The following MAD1L1 variants were observed in gnomAD, a reference collection of about 807,000 sequenced individuals.
MAD1L1 encodes the protein mitotic arrest deficient 1 like 1.
A neutral mutation model predicts 96.9 loss-of-function variants in MAD1L1; 95 were observed. That is an observed-to-expected ratio of 0.98 (90% confidence interval 0.83 to 1.16). The LOEUF is 1.16. Among genes scored for constraint, MAD1L1 ranks in the 50% most tolerant of loss-of-function variants. The probability of loss-of-function intolerance (pLI) is 0.00; values close to 1 mark genes in which losing one functional copy is unlikely to be tolerated. For synonymous variants in MAD1L1, 473 were observed against 396.6 expected (o/e 1.19, Z -2.29); for missense variants, 1,007 against 954.4 (o/e 1.06, Z -0.73).
chr7:1,997,988 C>T (rs556451838), intron 14 of MAD1L1, among the ~76,000 whole-genome samples: 75 of 145,480 alleles, frequency 5.2e-4, no homozygotes, highest in African/African-American at 1.8e-3. Context: ...CCACCAAATT[C>T]GAAGTCAAAT....
chr7:2,103,121 G>A lies in MAD1L1; in HGVS notation c.1074-33783C>T, dbSNP rs565442871. 2.0e-4 allele frequency among the ~76,000 whole-genome samples: 31 copies of A among 152,270 alleles called. No individual in the cohort carries two copies. The highest frequency in any genetic ancestry group is 6.2e-4 in the South Asian group (3 of 4,818). On this transcript the variant is annotated intron_variant, in intron 11 of 18. Coordinates refer to ENST00000265854, the MANE Select transcript of MAD1L1 (RefSeq NM_001013836.2). The surrounding 1 kb of genome is among the most constrained non-coding windows in gnomAD (Gnocchi z 4.3). ...TCCTCTCCCACCTCAGGGCCCCTGC[G>A]CTTGCTGCTGCCTCTGCCTGGAACG...
chr7:2,121,557 T>C (rs1262897514), intron 11 of MAD1L1, among the ~76,000 whole-genome samples: 4 of 152,128 alleles, frequency 2.6e-5, no homozygotes, highest in Admixed American at 2.6e-4. Flanking sequence ...GACCTCAGAA[T>C]AACAGGCCTC....
rs1057289126 is a variant in MAD1L1 at position 1,983,733 on chromosome 7, C to A, written c.1417-3192G>T. 2.0e-5 allele frequency among the ~76,000 whole-genome samples: 3 copies of A among 152,236 alleles called. No individual in the cohort carries two copies. In the South Asian group the frequency reaches 6.2e-4, roughly 32 times the overall value. Reference sequence around the variant, plus strand: ...AGATCAGGACACAGAATTCTCAGCACGCCTGAAAGCTCTCGCATGCTCCTG... The same window carrying A: ...AGATCAGGACACAGAATTCTCAGCAAGCCTGAAAGCTCTCGCATGCTCCTG... On this transcript the variant is annotated intron_variant, in intron 14 of 18. Coordinates refer to ENST00000265854, the MANE Select transcript of MAD1L1 (RefSeq NM_001013836.2).
intron 18 of MAD1L1, chr7:1,874,640 G>A: frequency 2.4e-6 from 1 of 424,032 alleles, no homozygotes; most frequent in Non-Finnish European, 4.7e-6. Flanking sequence ...GTGGGCTTAG[G>A]AATTGACCCA....
Position 1,863,878 on chromosome 7 carries a change from G to C in MAD1L1, c.1998+34322C>G, listed in dbSNP as rs150631060. On this transcript the variant is annotated intron_variant, in intron 18 of 18. Transcript: ENST00000265854. ...CCGAGCCAGGTGGATCACAAGGTCAGGAGTTCAAGACCAGCCTGGCCAAGA... is the reference window on the plus strand; with the variant it reads ...CCGAGCCAGGTGGATCACAAGGTCACGAGTTCAAGACCAGCCTGGCCAAGA... Among the ~76,000 whole-genome samples, 1,481 of 152,316 alleles carry C rather than the reference G, an allele frequency of 9.7e-3. 22 individuals carry two copies. The highest frequency in any genetic ancestry group is 0.034 in the African/African-American group (1,420 of 41,568).
rs573548934 is a variant in MAD1L1, at chr7:2,046,398, C to T, written c.1218+22796G>A. On this transcript the variant is annotated intron_variant, in intron 12 of 18. Coordinates refer to ENST00000265854, the MANE Select transcript of MAD1L1 (RefSeq NM_001013836.2). ...CATGTTGTCCTCCTCCTCCCAGGCC[C>T]GGCGCCCGTGCCCACCCAACCCTCC... 1.9e-3 allele frequency among the ~76,000 whole-genome samples: 290 copies of T among 152,284 alleles called. 1 individual carries two copies. The highest frequency in any genetic ancestry group is 6.8e-3 in the African/African-American group (283 of 41,546).
chr7:2,174,436 A>C (rs1220741092), intron 10 of MAD1L1, among the ~76,000 whole-genome samples: 1 of 152,150 alleles, frequency 6.6e-6, no homozygotes, highest in East Asian at 1.9e-4. Context: ...CATCCACTGG[A>C]CTGGGTACTT....
chr7:1,879,404 G>A (rs188997294), intron 18 of MAD1L1, among the ~76,000 whole-genome samples: 214 of 149,424 alleles, frequency 1.4e-3, no homozygotes, highest in African/African-American at 5.0e-3. Flanking sequence ...GCAGTGAGCC[G>A]AGATCACTCC....
At chr7:1,994,055 G>A (rs1424308434) in intron 14 of MAD1L1, among the ~76,000 whole-genome samples, 6 of 152,214 alleles carry the variant, frequency 3.9e-5, no homozygotes, top group African/African-American at 1.4e-4. Context: ...TGCCAACACG[G>A]GCAGGTCACT....
At chr7:1,854,611 C>A (rs766386489) in intron 18 of MAD1L1, among the ~76,000 whole-genome samples, 15 of 152,172 alleles carry the variant, frequency 9.9e-5, no homozygotes, top group Non-Finnish European at 2.2e-4. Flanking sequence ...CTCCCGAAGA[C>A]CCCGCCTCCT....
In MAD1L1 at chr7:1,816,086, C is replaced by T. The variant is rs1484324628; in HGVS notation, c.2141G>A (p.Arg714His). 48 of 1,611,054 alleles carry T rather than the reference C, an allele frequency of 3.0e-5. No homozygotes were observed. The highest frequency in any genetic ancestry group is 3.9e-5 in the Non-Finnish European group (46 of 1,179,010). The part of the protein sequence containing the change: ...LSSLTLELFS[R>H]QTVA ...GCCTGCAGGCTACGCCACGGTCTGG[C>T]GGCTGAAGAGCTCGAGGGTGAGCGA... The change falls in exon 19 of 19, where the codon CGC (arginine) becomes CAC (histidine). Residue 714 changes from arginine to histidine, a missense_variant. Coordinates refer to ENST00000265854, the MANE Select transcript of MAD1L1 (RefSeq NM_001013836.2).
rs151086386 is a variant in MAD1L1 at position 2,063,311 on chromosome 7, C to T, written c.1218+5883G>A. 1.2e-4 allele frequency among the ~76,000 whole-genome samples: 18 copies of T among 152,378 alleles called. No individual in the cohort carries two copies. In the East Asian group the frequency reaches 3.5e-3, roughly 29 times the overall value. On this transcript the variant is annotated intron_variant, in intron 12 of 18. Coordinates refer to ENST00000265854, the MANE Select transcript of MAD1L1 (RefSeq NM_001013836.2). ...GTCCTGGGCCCCTGGGAGTCCCTGG[C>T]TCCGCGTCCTCACTCCAGGCTGTGC...
chr7:1,862,020 C>G (rs1321307916), intron 18 of MAD1L1, among the ~76,000 whole-genome samples: 2 of 152,160 alleles, frequency 1.3e-5, no homozygotes, highest in Non-Finnish European at 2.9e-5. Context: ...CGCAGAGTGA[C>G]TAGAGAAGTG....
intron 12 of MAD1L1, among the ~76,000 whole-genome samples, chr7:2,043,450 A>T (rs1340477616): frequency 6.6e-6 from 1 of 152,322 alleles, no homozygotes; most frequent in East Asian, 1.9e-4. Flanking sequence ...TCCATGCTGC[A>T]ATCTGTTCTG....
At chr7:1,965,764 G>C (rs1241628168) in intron 15 of MAD1L1, among the ~76,000 whole-genome samples, 1 of 152,276 alleles carries the variant, frequency 6.6e-6, no homozygotes, top group African/African-American at 2.4e-5. Flanking sequence ...ACAAACTCTA[G>C]CTGCGTTTTC....
chr7:2,017,840 G>C (rs775672844), intron 12 of MAD1L1, among the ~76,000 whole-genome samples: 5 of 152,154 alleles, frequency 3.3e-5, no homozygotes, highest in Non-Finnish European at 5.9e-5. Context: ...AGGACACCTG[G>C]GCAGCAGGGG....
intron 17 of MAD1L1, among the ~76,000 whole-genome samples, chr7:1,912,288 A>G (rs1177136026): frequency 1.3e-5 from 2 of 152,354 alleles, no homozygotes; most frequent in East Asian, 3.9e-4. Context: ...AAATGGGGGC[A>G]TGTGTGGCTC....
chr7:1,978,801 G>A lies in MAD1L1; in HGVS notation c.1505+1652C>T, dbSNP rs553412859. 3.9e-5 allele frequency among the ~76,000 whole-genome samples: 6 copies of A among 152,268 alleles called. No homozygotes were observed. In the East Asian group the frequency reaches 5.8e-4, roughly 15 times the overall value. ...AGACGCAGATGAAGACGGAGAGCGC[G>A]TCGGGGCCCACTCACCACTCCATCA... On this transcript the variant is annotated intron_variant, in intron 15 of 18. Transcript: ENST00000265854.
chr7:1,919,886 C>G (rs1451207696), intron 17 of MAD1L1, among the ~76,000 whole-genome samples: 2 of 152,240 alleles, frequency 1.3e-5, no homozygotes, highest in Non-Finnish European at 2.9e-5. Context: ...GCAGATGACT[C>G]TGGGGAGGGA....
Sources: gnomAD v4.1 joint callset for allele counts (sites outside exome capture counted in the v4.1 genomes callset) on GRCh38, gnomAD v4.1.1 for gene constraint, Gnocchi (gnomAD v3.1) non-coding constraint, MANE v1.5 for transcripts, NCBI Gene and HGNC (gene_info 2026-07-23, HGNC 2026-07-21) for gene names.